PTPRD: variants seen among roughly 807,000 people sequenced by gnomAD.
PTPRD encodes protein tyrosine phosphatase receptor type D, also known as receptor-type tyrosine-protein phosphatase delta.
In PTPRD, 34 loss-of-function variants were observed where a neutral mutation model predicts 214.5. The observed-to-expected ratio is 0.16, with a 90% CI of 0.12 to 0.21. The LOEUF is 0.21. PTPRD is among the 10% of genes least tolerant of loss of function. The pLI is 1.00. For synonymous variants in PTPRD, 1,128 were observed against 845.7 expected (o/e 1.33, Z -5.79); for missense variants, 2,545 against 2,398.7 (o/e 1.06, Z -1.27).
intron 7 of PTPRD, among the ~76,000 whole-genome samples, chr9:9,694,099 G>C (rs1300939688): frequency 2.6e-5 from 4 of 152,098 alleles, no homozygotes; most frequent in Non-Finnish European, 5.9e-5. Context: ...ATTGGACCTT[G>C]GTGCCTTATT....
intron 8 of PTPRD, among the ~76,000 whole-genome samples, chr9:9,442,570 T>C (rs910630580): frequency 6.6e-6 from 1 of 152,204 alleles, no homozygotes; most frequent in Non-Finnish European, 1.5e-5. Flanking sequence ...AAGGTATAAA[T>C]GACTGTCAAG....
At chr9:10,294,251 G>C (rs1466725968) in intron 3 of PTPRD, among the ~76,000 whole-genome samples, 1 of 151,842 alleles carries the variant, frequency 6.6e-6, no homozygotes, top group Non-Finnish European at 1.5e-5. Flanking sequence ...CAAATGAGTT[G>C]ATAATGTTCA....
intron 10 of PTPRD, among the ~76,000 whole-genome samples, chr9:9,048,648 G>C (rs577163298): frequency 6.6e-6 from 1 of 152,084 alleles, no homozygotes; most frequent in Non-Finnish European, 1.5e-5. Flanking sequence ...AATGGTTACC[G>C]GGGGCTAGGA....
chr9:8,666,393 G>C (rs1042359225), intron 12 of PTPRD, among the ~76,000 whole-genome samples: 3 of 151,922 alleles, frequency 2.0e-5, no homozygotes, highest in Admixed American at 1.3e-4. Flanking sequence ...TATTTTCCTG[G>C]GATAATCCAT....
intron 39 of PTPRD, among the ~76,000 whole-genome samples, chr9:8,365,042 G>A (rs932262732): frequency 1.3e-5 from 2 of 152,008 alleles, no homozygotes; most frequent in Non-Finnish European, 2.9e-5. Context: ...AAACATACTA[G>A]ACCCGCAGTC....
intron 3 of PTPRD, among the ~76,000 whole-genome samples, chr9:10,279,006 C>A (rs1390904080): frequency 1.1e-4 from 16 of 152,082 alleles, no homozygotes. Flanking sequence ...GATCTCCTGG[C>A]CTCGTGATCT....
At chr9:9,429,794 C>A (rs114087642) in intron 8 of PTPRD, among the ~76,000 whole-genome samples, 1 of 152,228 alleles carries the variant, frequency 6.6e-6, no homozygotes, top group East Asian at 1.9e-4. Context: ...GAACCCAAGA[C>A]AAAACCCACA....
At chr9:8,462,285 T>G (rs150761114) in intron 32 of PTPRD, among the ~76,000 whole-genome samples, 1,640 of 152,132 alleles carry the variant, frequency 0.011, 14 homozygotes, top group Non-Finnish European at 0.016. Flanking sequence ...AACACTGATA[T>G]TAGCTAATCA....
At chr9:10,603,680 G>A (rs948620450) in intron 2 of PTPRD, among the ~76,000 whole-genome samples, 7 of 151,844 alleles carry the variant, frequency 4.6e-5, no homozygotes, top group Admixed American at 3.3e-4. Context: ...AATAGTGACT[G>A]GCAGATATGA....
chr9:8,919,388 T>C (rs2098809458), intron 11 of PTPRD, among the ~76,000 whole-genome samples: 2 of 56,684 alleles, frequency 3.5e-5, no homozygotes, highest in African/African-American at 1.3e-4. Flanking sequence ...TGAGACCCTG[T>C]CTCAAAAAAA....
At chr9:9,335,141 ATATTCCGTGTTAGCTTTG>A (rs1334017759) in intron 9 of PTPRD, among the ~76,000 whole-genome samples, 5 of 151,988 alleles carry the variant, frequency 3.3e-5, no homozygotes, top group African/African-American at 1.2e-4. Flanking sequence ...TTTTTGCCTG[ATATTCCGTGTTAGCTTTG>A]CTATTTTCAA....
intron 30 of PTPRD, among the ~76,000 whole-genome samples, chr9:8,482,025 C>G (rs2096897988): frequency 6.6e-6 from 1 of 152,152 alleles, no homozygotes; most frequent in African/African-American, 2.4e-5. Flanking sequence ...TTGTGATCTG[C>G]CCGCCTCGGC....
intron 3 of PTPRD, among the ~76,000 whole-genome samples, chr9:10,071,139 T>C (rs2098004366): frequency 6.6e-6 from 1 of 152,016 alleles, no homozygotes; most frequent in Non-Finnish European, 1.5e-5. Flanking sequence ...GGAGAGAGAT[T>C]TCATGATTAC....
chr9:9,166,839 T>C (rs2099905230), intron 10 of PTPRD, among the ~76,000 whole-genome samples: 1 of 152,116 alleles, frequency 6.6e-6, no homozygotes, highest in Admixed American at 6.5e-5. Context: ...AAAGACAACC[T>C]ACCTATAGTT....
chr9:9,603,240 C>G (rs534244162), intron 7 of PTPRD, among the ~76,000 whole-genome samples: 1 of 152,062 alleles, frequency 6.6e-6, no homozygotes, highest in Non-Finnish European at 1.5e-5. Flanking sequence ...GTTGTCCATA[C>G]TAGACAGGAA....
At chr9:9,336,108 C>T (rs1010740943) in intron 9 of PTPRD, among the ~76,000 whole-genome samples, 1 of 152,048 alleles carries the variant, frequency 6.6e-6, no homozygotes, top group Admixed American at 6.6e-5. Context: ...CTTTTATTTT[C>T]ATTATTACGG....
chr9:8,742,385 G>C (rs1316538032), intron 11 of PTPRD, among the ~76,000 whole-genome samples: 2 of 152,034 alleles, frequency 1.3e-5, no homozygotes, highest in Non-Finnish European at 2.9e-5. Context: ...TACATGATCT[G>C]TCTTGGCATT....
intron 3 of PTPRD, among the ~76,000 whole-genome samples, chr9:10,148,002 T>C (rs562052694): frequency 1.6e-4 from 25 of 152,216 alleles, no homozygotes; most frequent in Non-Finnish European, 2.9e-4. Flanking sequence ...TGATCCACGT[T>C]TTGTTTCTTT....
chr9:8,718,914 T>A (rs1404647725), intron 12 of PTPRD, among the ~76,000 whole-genome samples: 1 of 152,204 alleles, frequency 6.6e-6, no homozygotes, highest in Admixed American at 6.5e-5. Flanking sequence ...TCATTAGTTT[T>A]ATTTTGCTTT....
Sources: allele counts gnomAD v4.1 joint callset (sites outside exome capture counted in the v4.1 genomes callset), GRCh38; gene constraint gnomAD v4.1.1; transcripts MANE v1.5; gene names NCBI Gene and HGNC (gene_info 2026-07-23, HGNC 2026-07-21).